The following ST6GALNAC5 variants were observed in gnomAD, a reference collection of about 807,000 sequenced individuals.
ST6GALNAC5 encodes the protein alpha-N-acetylgalactosaminide alpha-2,6-sialyltransferase 5.
In ST6GALNAC5, 27 loss-of-function variants were observed where a neutral mutation model predicts 33.6. The observed-to-expected ratio is 0.80, with a 90% CI of 0.59 to 1.11. The LOEUF is 1.11. Ranked by LOEUF, ST6GALNAC5 falls within the 50% of genes least tolerant of loss-of-function variation. ST6GALNAC5 has a pLI of 0.00. For missense variants in ST6GALNAC5, 428 were observed against 454.0 expected, an observed-to-expected ratio of 0.94 and a Z score of 0.52; for synonymous variants, 194 against 171.2, an observed-to-expected ratio of 1.13 and a Z score of -1.04.
chr1:76,958,074 G>A (rs75830062), intron 2 of ST6GALNAC5, among the ~76,000 whole-genome samples: 3,135 of 152,146 alleles, frequency 0.021, 48 homozygotes, highest in Middle Eastern at 0.044. Context: ...AGAGTTCCCC[G>A]CAGGAGACGC....
intron 2 of ST6GALNAC5, among the ~76,000 whole-genome samples, chr1:76,887,748 T>A (rs1214493973): frequency 1.3e-5 from 2 of 152,236 alleles, no homozygotes; most frequent in Non-Finnish European, 2.9e-5. Flanking sequence ...TAAAATGTGT[T>A]GTTTGAAAAT....
rs553095927 is a variant in ST6GALNAC5, at chr1:76,943,409, G to T, written c.261+74667G>T. On this transcript the variant is annotated intron_variant, in intron 2 of 4. Transcript: ENST00000477717. ...TGTTTAGCCAATCAGTAACCAAACT[G>T]CAAAGAACCAGAGTTCTTCGACTAC... Among the ~76,000 whole-genome samples, 3 of 152,224 alleles carry T rather than the reference G, an allele frequency of 2.0e-5. No individual in the cohort carries two copies. In the South Asian group the frequency reaches 6.2e-4, roughly 32 times the overall value.
intron 2 of ST6GALNAC5, among the ~76,000 whole-genome samples, chr1:76,923,267 C>T (rs1039910268): frequency 9.1e-5 from 13 of 143,222 alleles, no homozygotes; most frequent in African/African-American, 3.3e-4. Flanking sequence ...AAAAATTAAA[C>T]AATATTACCT....
chr1:77,000,760 A>G (rs966848020), intron 2 of ST6GALNAC5, among the ~76,000 whole-genome samples: 5 of 151,340 alleles, frequency 3.3e-5, no homozygotes, highest in Admixed American at 2.0e-4. Flanking sequence ...TCCTTTCCCC[A>G]TTGCTTGTTT....
chr1:77,023,961 A>G (rs1302762154), intron 2 of ST6GALNAC5, among the ~76,000 whole-genome samples: 1 of 152,168 alleles, frequency 6.6e-6, no homozygotes, highest in African/African-American at 2.4e-5. Flanking sequence ...AGCCTCAGTT[A>G]TATCTACTGG....
At chr1:77,024,483 G>GGA (rs1220678390) in intron 2 of ST6GALNAC5, among the ~76,000 whole-genome samples, 2 of 152,224 alleles carry the variant, frequency 1.3e-5, no homozygotes, top group Non-Finnish European at 2.9e-5. Flanking sequence ...GCCAAGGACA[G>GGA]GAGACAGCAT....
chr1:76,906,866 T>TTC (rs1646869038), intron 2 of ST6GALNAC5, among the ~76,000 whole-genome samples: 1 of 152,174 alleles, frequency 6.6e-6, no homozygotes, highest in African/African-American at 2.4e-5. Context: ...CATCTCAGCC[T>TTC]TCTCCTGCTC....
At chr1:76,983,728 G>A (rs151002362) in intron 2 of ST6GALNAC5, among the ~76,000 whole-genome samples, 38 of 152,190 alleles carry the variant, frequency 2.5e-4, no homozygotes, top group Admixed American at 1.8e-3. Flanking sequence ...GCACCACGTC[G>A]CACTTATTCC....
chr1:77,029,451 T>C (rs1651369874), intron 2 of ST6GALNAC5, among the ~76,000 whole-genome samples: 1 of 152,232 alleles, frequency 6.6e-6, no homozygotes, highest in Non-Finnish European at 1.5e-5. Context: ...AATGTTACTA[T>C]GCCATGTGTA....
At chr1:76,895,409 A>C (rs1270002512) in intron 2 of ST6GALNAC5, among the ~76,000 whole-genome samples, 1 of 152,078 alleles carries the variant, frequency 6.6e-6, no homozygotes, top group African/African-American at 2.4e-5. Context: ...TTTTGTGGTA[A>C]GGGGTGATAT....
At chr1:77,044,638 G>A in intron 3 of ST6GALNAC5, 25 bp downstream of exon 3, 1 of 1,521,272 alleles carries the variant, frequency 6.6e-7, no homozygotes, top group South Asian at 1.3e-5. Flanking sequence ...GGAAGAAGAT[G>A]CAGGGGAGGG....
chr1:76,996,139 C>T (rs550404775), intron 2 of ST6GALNAC5, among the ~76,000 whole-genome samples: 1 of 152,342 alleles, frequency 6.6e-6, no homozygotes, highest in Admixed American at 6.5e-5. Flanking sequence ...GGCTAACCAA[C>T]TTGTGCAAAG....
At chr1:77,030,950 T>C (rs947850821) in intron 2 of ST6GALNAC5, among the ~76,000 whole-genome samples, 2 of 152,214 alleles carry the variant, frequency 1.3e-5, no homozygotes, top group Non-Finnish European at 2.9e-5. Flanking sequence ...GTGAAGGCAG[T>C]TGTGTCTGGG....
rs2100489261 is a variant in ST6GALNAC5 at position 77,066,013 on chromosome 1, A to G, written c.*2807A>G. On this transcript the variant is annotated 3_prime_UTR_variant, in exon 5 of 5. Coordinates refer to ENST00000477717, the MANE Select transcript of ST6GALNAC5 (RefSeq NM_030965.3). ...AATGGCCCATAAAAGGAGGAATCTC[A>G]GATTTAATATTCTACGGTAAATATT... Among the ~76,000 whole-genome samples, 1 of 152,348 alleles carries G rather than the reference A, an allele frequency of 6.6e-6. No homozygotes were observed.
At chr1:76,942,767 G>A (rs938924490) in intron 2 of ST6GALNAC5, among the ~76,000 whole-genome samples, 2 of 152,024 alleles carry the variant, frequency 1.3e-5, no homozygotes, top group African/African-American at 2.4e-5. Context: ...GGGTTTCTGG[G>A]GATGACGTGT....
intron 2 of ST6GALNAC5, among the ~76,000 whole-genome samples, chr1:77,020,936 G>T (rs554441098): frequency 1.3e-5 from 2 of 152,122 alleles, no homozygotes; most frequent in Non-Finnish European, 2.9e-5. Context: ...CCGGGGTTCC[G>T]CACAGCATGG....
chr1:76,871,795 T>G (rs539472747), intron 2 of ST6GALNAC5, among the ~76,000 whole-genome samples: 1 of 152,314 alleles, frequency 6.6e-6, no homozygotes, highest in African/African-American at 2.4e-5. Flanking sequence ...TGGAGTTTCT[T>G]GTCATAATGA....
rs990502495 is a variant in ST6GALNAC5, at chr1:77,051,261, A to C, written c.779+896A>C. Among the ~76,000 whole-genome samples, 3 of 152,232 alleles carry C rather than the reference A, an allele frequency of 2.0e-5. No homozygotes were observed. In the East Asian group the frequency reaches 5.8e-4, roughly 29 times the overall value. ...TGGAGGTTTAAAGCAAAGATGAGAA[A>C]CAGCATCTAATCATCCCATTAACAT... On this transcript the variant is annotated intron_variant, in intron 4 of 4. Transcript: ENST00000477717.
intron 2 of ST6GALNAC5, among the ~76,000 whole-genome samples, chr1:77,020,116 G>A (rs1650996030): frequency 6.6e-6 from 1 of 152,156 alleles, no homozygotes; most frequent in Non-Finnish European, 1.5e-5. Flanking sequence ...ACTAAGCAAA[G>A]TCTTCAGCAA....
Sources: allele counts gnomAD v4.1 joint callset (sites outside exome capture counted in the v4.1 genomes callset), GRCh38; gene constraint gnomAD v4.1.1; transcripts MANE v1.5; gene names NCBI Gene and HGNC (gene_info 2026-07-23, HGNC 2026-07-21).